CDH2: variants seen among roughly 807,000 people sequenced by gnomAD.
The protein encoded by CDH2 is cadherin-2.
Under a neutral mutation model 92.0 loss-of-function variants are expected in CDH2, and 17 were observed. The observed-to-expected ratio is 0.18, with a 90% CI of 0.13 to 0.28. The LOEUF is 0.28. Among genes scored for constraint, CDH2 ranks in the 10% least tolerant of loss-of-function variants. The pLI, the probability that CDH2 is intolerant of heterozygous loss-of-function variation, is 1.00. For synonymous variants in CDH2, 419 were observed against 415.9 expected, an observed-to-expected ratio of 1.01 and a Z score of -0.09; for missense variants, 862 against 1,133.1, an observed-to-expected ratio of 0.76 and a Z score of 3.44.
chr18:28,091,980 T>C (rs752606113), intron 2 of CDH2, among the ~76,000 whole-genome samples: 1 of 151,746 alleles, frequency 6.6e-6, no homozygotes, highest in Non-Finnish European at 1.5e-5. Context: ...GTAGACAATC[T>C]TCTCCCTGTC....
intron 2 of CDH2, among the ~76,000 whole-genome samples, chr18:28,042,869 A>T (rs1022213712): frequency 1.3e-5 from 2 of 152,340 alleles, no homozygotes; most frequent in Admixed American, 6.5e-5. Context: ...TGGAAGGAAT[A>T]ACAAAGCTCC....
Position 28,168,632 on chromosome 18 carries a change from TAGA to T in CDH2, c.60+8328_60+8330del, listed in dbSNP as rs1221472079. The T allele has an allele frequency of 8.3e-6, 4 of 481,636 alleles. No homozygotes were observed. In the African/African-American group the frequency reaches 8.4e-5, roughly 10 times the overall value. The allele number at this position is 481,636 out of a possible 1,614,324, so 29.8% of individuals were successfully genotyped here. A position where few individuals can be genotyped will look rare whatever the true frequency, so the allele number is the denominator to read the frequency against. On this transcript the variant is annotated intron_variant, in intron 1 of 15. Coordinates refer to ENST00000269141, the MANE Select transcript of CDH2 (RefSeq NM_001792.5). ...CATATTATTTGTTGATCAAAACTATTAGAAGAACTTTTAAAAACTGATTATGAA... is the reference window on the plus strand; with the variant it reads ...CATATTATTTGTTGATCAAAACTATTAGAACTTTTAAAAACTGATTATGAA...
intron 2 of CDH2, among the ~76,000 whole-genome samples, chr18:28,132,078 A>C (rs2015781306): frequency 6.6e-6 from 1 of 152,212 alleles, no homozygotes; most frequent in Non-Finnish European, 1.5e-5. Flanking sequence ...TTGTTCAAAA[A>C]GAAACACCTT....
intron 1 of CDH2, among the ~76,000 whole-genome samples, chr18:28,166,153 T>TATATATATATAC (rs2016378494): frequency 7.6e-6 from 1 of 132,238 alleles, no homozygotes; most frequent in Non-Finnish European, 1.6e-5. Flanking sequence ...CACACTCATA[T>TATATATATATAC]ATATATATAT....
chr18:28,141,983 T>C (rs1245220419), intron 2 of CDH2, among the ~76,000 whole-genome samples: 3 of 151,962 alleles, frequency 2.0e-5, no homozygotes, highest in Non-Finnish European at 2.9e-5. Context: ...GACCATCCTA[T>C]TTAAATGCAA....
At chr18:28,081,034 T>C (rs1044338693) in intron 2 of CDH2, among the ~76,000 whole-genome samples, 1 of 152,110 alleles carries the variant, frequency 6.6e-6, no homozygotes, top group Non-Finnish European at 1.5e-5. Flanking sequence ...GATTAAACTC[T>C]CGGTCTTGGC....
intron 1 of CDH2, among the ~76,000 whole-genome samples, chr18:28,164,149 A>AATGGATGTCAAT (rs1354025823): frequency 2.6e-4 from 40 of 152,326 alleles, no homozygotes; most frequent in African/African-American, 9.6e-4. Flanking sequence ...ATAAAATACA[A>AATGGATGTCAAT]ATGGATGTCA....
At chr18:28,134,069 A>C (rs1305352419) in intron 2 of CDH2, among the ~76,000 whole-genome samples, 1 of 151,408 alleles carries the variant, frequency 6.6e-6, no homozygotes, top group Non-Finnish European at 1.5e-5. Flanking sequence ...GCTAAAGTAA[A>C]AGAATTCCTT....
chr18:28,165,759 CTG>C (rs1428300495), intron 1 of CDH2, among the ~76,000 whole-genome samples: 1 of 150,710 alleles, frequency 6.6e-6, no homozygotes, highest in Non-Finnish European at 1.5e-5. Flanking sequence ...ATCTTAACCA[CTG>C]TGTCACACTG....
intron 2 of CDH2, among the ~76,000 whole-genome samples, chr18:28,015,576 TG>T (rs1365926980): frequency 6.6e-6 from 1 of 152,228 alleles, no homozygotes; most frequent in Non-Finnish European, 1.5e-5. Flanking sequence ...GCCATATTTT[TG>T]TATAAAAAGT....
chr18:28,064,503 C>G (rs1183619243), intron 2 of CDH2, among the ~76,000 whole-genome samples: 1 of 151,390 alleles, frequency 6.6e-6, no homozygotes, highest in African/African-American at 2.4e-5. Context: ...TGGGGTCATA[C>G]CAGCCAGTGG....
chr18:28,048,523 A>T (rs1341192863), intron 2 of CDH2, among the ~76,000 whole-genome samples: 1 of 152,200 alleles, frequency 6.6e-6, no homozygotes. Context: ...CGTTTTTGAT[A>T]TGGGTCAAAT....
At chr18:28,009,566 A>G (rs747069418) in intron 5 of CDH2, 151 bp downstream of exon 5, 36 of 542,938 alleles carry the variant, frequency 6.6e-5, no homozygotes, top group Non-Finnish European at 1.0e-4. Flanking sequence ...TATAAAAACA[A>G]TAACATTATT....
At chr18:27,962,863 A>C (rs962079807) in intron 15 of CDH2, among the ~76,000 whole-genome samples, 1 of 152,070 alleles carries the variant, frequency 6.6e-6, no homozygotes, top group East Asian at 1.9e-4. Flanking sequence ...CAAGTCCTTA[A>C]ATCACTTACA....
chr18:28,164,932 C>T (rs1008925347), intron 1 of CDH2, among the ~76,000 whole-genome samples: 4 of 152,112 alleles, frequency 2.6e-5, no homozygotes, highest in African/African-American at 9.7e-5. Context: ...AAATATTTGC[C>T]CTTCAATTGT....
At chr18:28,078,178 G>T (rs1201088106) in intron 2 of CDH2, among the ~76,000 whole-genome samples, 1 of 152,026 alleles carries the variant, frequency 6.6e-6, no homozygotes, top group South Asian at 2.1e-4. Context: ...TAAAATTTTA[G>T]AGTATGCTTC....
intron 7 of CDH2, among the ~76,000 whole-genome samples, chr18:27,999,670 A>C (rs1389617982): frequency 6.6e-6 from 1 of 150,718 alleles, no homozygotes; most frequent in Non-Finnish European, 1.5e-5. Context: ...ATATATACAT[A>C]TATACATATA....
chr18:27,988,717 CAT>C, intron 10 of CDH2, 51 bp from the exon 11 acceptor site: 14 of 1,379,832 alleles, frequency 1.0e-5, no homozygotes, highest in Non-Finnish European at 1.4e-5. Flanking sequence ...TTTAAAAAAA[CAT>C]ATTTTACAGG....
At chr18:27,943,833 C>G (rs1208238702) in intron 6 of CDH2, among the ~76,000 whole-genome samples, 1 of 152,010 alleles carries the variant, frequency 6.6e-6, no homozygotes, top group African/African-American at 2.4e-5. Flanking sequence ...TCACATGAGG[C>G]CTGAAGAGAT....
Sources: gnomAD v4.1 joint callset for allele counts (sites outside exome capture counted in the v4.1 genomes callset) on GRCh38, gnomAD v4.1.1 for gene constraint, MANE v1.5 for transcripts, NCBI Gene and HGNC (gene_info 2026-07-23, HGNC 2026-07-21) for gene names.